Variants in CCDC7 observed in about 807,000 individuals in gnomAD.
CCDC7 encodes the protein coiled-coil domain containing 7.
A neutral mutation model predicts 196.9 loss-of-function variants in CCDC7; 183 were observed. The observed-to-expected ratio is 0.93, with a 90% confidence interval of 0.82 to 1.05. CCDC7 has a LOEUF of 1.05. Among genes scored for constraint, CCDC7 ranks in the 50% least tolerant of loss-of-function variants. The pLI is 0.00. For synonymous variants in CCDC7, 525 were observed against 484.6 expected, an observed-to-expected ratio of 1.08 and a Z score of -1.10; for missense variants, 1,540 against 1,482.2, an observed-to-expected ratio of 1.04 and a Z score of -0.64.
At chr10:32,701,695 G>T (rs1283132415) in intron 24 of CCDC7, among the ~76,000 whole-genome samples, 2 of 152,246 alleles carry the variant, frequency 1.3e-5, no homozygotes, top group South Asian at 2.1e-4. Flanking sequence ...CAATTTCAGA[G>T]CCTGTTATTG....
At chr10:32,556,021 C>T (rs183227183) in intron 13 of CCDC7, among the ~76,000 whole-genome samples, 6 of 152,146 alleles carry the variant, frequency 3.9e-5, no homozygotes, top group Non-Finnish European at 7.4e-5. Context: ...GGCCTCAGCT[C>T]ACATCACTCA....
At chr10:32,693,549 TGTTTGTA>T (rs1438552157) in intron 23 of CCDC7, among the ~76,000 whole-genome samples, 1 of 152,236 alleles carries the variant, frequency 6.6e-6, no homozygotes, top group Non-Finnish European at 1.5e-5. Flanking sequence ...CACTTACAGT[TGTTTGTA>T]CCACATTATT....
intron 29 of CCDC7, among the ~76,000 whole-genome samples, chr10:32,779,977 C>T (rs562741072): frequency 2.6e-5 from 4 of 152,164 alleles, no homozygotes; most frequent in Admixed American, 1.3e-4. Flanking sequence ...CAGTGGCTCA[C>T]GCCTGTAATC....
chr10:32,854,679 A>G (rs1471540580), intron 41 of CCDC7, among the ~76,000 whole-genome samples, 190 bp downstream of exon 42: 2 of 152,180 alleles, frequency 1.3e-5, no homozygotes, highest in Non-Finnish European at 2.9e-5. Context: ...TGTGGTTCTG[A>G]ATAACCACAG....
intron 31 of CCDC7, among the ~76,000 whole-genome samples, chr10:32,816,050 C>T (rs996298749): frequency 4.6e-5 from 7 of 152,034 alleles, no homozygotes; most frequent in Non-Finnish European, 7.4e-5. Flanking sequence ...TCACCTCACC[C>T]GGGAAGTGCA....
chr10:32,776,483 G>C (rs1362789782), intron 28 of CCDC7, among the ~76,000 whole-genome samples: 1 of 151,816 alleles, frequency 6.6e-6, no homozygotes, highest in African/African-American at 2.4e-5. Context: ...TAGACATTTG[G>C]GTTTATTAGT....
At chr10:32,483,523 G>A (rs191685723) in intron 8 of CCDC7, among the ~76,000 whole-genome samples, 49 of 152,244 alleles carry the variant, frequency 3.2e-4, no homozygotes, top group African/African-American at 9.6e-4. Flanking sequence ...GTCAATTTTG[G>A]CTTTTGTTGC....
In CCDC7 at chr10:32,565,624, A is replaced by G; in HGVS notation, c.1197+4A>G. ...GCAATTGAAACAGGCTTTACAGGTA[A>G]AGGATGTCATGTTTCTTTAACATTG... On this transcript the variant is annotated splice_donor_region_variant and intron_variant, in intron 14 of 41. Transcript: ENST00000639629. The G allele has an allele frequency of 6.2e-7, 1 of 1,607,182 alleles. No individual in the cohort carries two copies. The highest frequency in any genetic ancestry group is 1.1e-5 in the South Asian group (1 of 89,812).
At chr10:32,690,274 A>T (rs2076934515) in intron 23 of CCDC7, among the ~76,000 whole-genome samples, 1 of 152,222 alleles carries the variant, frequency 6.6e-6, no homozygotes, top group South Asian at 2.1e-4. Context: ...ATGAAAGGCT[A>T]GTCCTCCCCT....
intron 18 of CCDC7, among the ~76,000 whole-genome samples, chr10:32,624,915 A>G (rs1376468156): frequency 2.7e-5 from 4 of 150,020 alleles, no homozygotes; most frequent in Non-Finnish European, 5.9e-5. Context: ...TTGCTTATCA[A>G]ATTTATGGTT....
intron 28 of CCDC7, among the ~76,000 whole-genome samples, chr10:32,763,472 C>T (rs2077770313): frequency 1.3e-5 from 2 of 151,782 alleles, no homozygotes; most frequent in Non-Finnish European, 2.9e-5. Flanking sequence ...CCAGCAATTC[C>T]CCTTCTGGGT....
upstream of CCDC7, among the ~76,000 whole-genome samples, chr10:32,448,373 G>A (rs2032024858): frequency 6.6e-6 from 1 of 151,948 alleles, no homozygotes; most frequent in Non-Finnish European, 1.5e-5. Context: ...CCAGCGGGGT[G>A]TCATCTACTT....
intron 20 of CCDC7, among the ~76,000 whole-genome samples, chr10:32,638,583 C>G (rs910254867): frequency 1.6e-4 from 24 of 152,192 alleles, no homozygotes; most frequent in African/African-American, 5.8e-4. Context: ...ATGAAGTCCA[C>G]TTGATCATGG....
At chr10:32,702,253 A>T (rs1428102686) in intron 24 of CCDC7, among the ~76,000 whole-genome samples, 1 of 151,942 alleles carries the variant, frequency 6.6e-6, no homozygotes, top group Non-Finnish European at 1.5e-5. Flanking sequence ...GAACATCTTT[A>T]TTTCTGCCTT....
chr10:32,860,649 G>A (rs2093946118), intron 41 of CCDC7, among the ~76,000 whole-genome samples: 1 of 152,166 alleles, frequency 6.6e-6, no homozygotes, highest in African/African-American at 2.4e-5. Flanking sequence ...TGACATGATT[G>A]TATATTTAGA....
At chr10:32,847,548 C>G (rs2093353360) in intron 37 of CCDC7, among the ~76,000 whole-genome samples, 1 of 151,870 alleles carries the variant, frequency 6.6e-6, no homozygotes, top group South Asian at 2.1e-4. Flanking sequence ...AACCCTATCT[C>G]TACAAAAAAT....
intron 25 of CCDC7, among the ~76,000 whole-genome samples, chr10:32,721,433 G>A (rs73261239): frequency 0.013 from 1,930 of 152,264 alleles, 47 homozygotes; most frequent in African/African-American, 0.045. Flanking sequence ...CAAGGACTCA[G>A]GGTAAAGTTA....
intron 20 of CCDC7, among the ~76,000 whole-genome samples, chr10:32,639,764 G>A (rs1423921991): frequency 6.6e-6 from 1 of 151,976 alleles, no homozygotes; most frequent in African/African-American, 2.4e-5. Context: ...GAGTAGCTGG[G>A]ACTACAGGTG....
intron 13 of CCDC7, among the ~76,000 whole-genome samples, chr10:32,545,776 C>T (rs1213381559): frequency 1.3e-5 from 2 of 151,890 alleles, no homozygotes; most frequent in African/African-American, 4.8e-5. Context: ...CATGGTGGCA[C>T]GTGCCTGCAG....
Sources: allele counts gnomAD v4.1 joint callset (sites outside exome capture counted in the v4.1 genomes callset), GRCh38; gene constraint gnomAD v4.1.1; transcripts MANE v1.5; gene names NCBI Gene and HGNC (gene_info 2026-07-23, HGNC 2026-07-21).